CPA6: variants seen among roughly 807,000 people sequenced by gnomAD.
CPA6 encodes the protein carboxypeptidase B.
A neutral mutation model predicts 63.3 loss-of-function variants in CPA6; 58 were observed. The ratio of observed to expected loss-of-function variants is 0.92; its 90% CI spans 0.74 to 1.14. The LOEUF is 1.14. CPA6 is among the 50% of genes most tolerant of loss of function. The probability of loss-of-function intolerance (pLI) is 0.00; values close to 1 mark genes in which losing one functional copy is unlikely to be tolerated. For missense variants in CPA6, 565 were observed against 526.6 expected, an observed-to-expected ratio of 1.07 and a Z score of -0.71; for synonymous variants, 185 against 179.0, an observed-to-expected ratio of 1.03 and a Z score of -0.27.
chr8:67,692,232 T>A (rs1465870432), intron 1 of CPA6, among the ~76,000 whole-genome samples: 3 of 148,284 alleles, frequency 2.0e-5, no homozygotes, highest in South Asian at 2.1e-4. Flanking sequence ...GCTACTCGGG[T>A]GGCTGAGGCA....
At chr8:67,587,976 A>G (rs1156970563) in intron 2 of CPA6, among the ~76,000 whole-genome samples, 1 of 152,178 alleles carries the variant, frequency 6.6e-6, no homozygotes, top group East Asian at 1.9e-4. Context: ...AACAGTTTCA[A>G]TGATCACTAG....
At chr8:67,527,784 A>C (rs1204402449) in intron 2 of CPA6, among the ~76,000 whole-genome samples, 1 of 152,262 alleles carries the variant, frequency 6.6e-6, no homozygotes, top group Non-Finnish European at 1.5e-5. Flanking sequence ...GTGCTGAAAG[A>C]ACTTTTTCAT....
chr8:67,702,237 A>G (rs1464545363), intron 1 of CPA6, among the ~76,000 whole-genome samples: 1 of 152,132 alleles, frequency 6.6e-6, no homozygotes, highest in African/African-American at 2.4e-5. Context: ...ATAATTTCTC[A>G]AGTATTTATT....
chr8:67,716,390 G>A (rs529881841), intron 1 of CPA6, among the ~76,000 whole-genome samples: 2 of 152,146 alleles, frequency 1.3e-5, no homozygotes, highest in African/African-American at 4.8e-5. Context: ...CATTGGTTTG[G>A]TCTGGAAAGG....
rs1811202883 is a variant in CPA6 at position 67,475,873 on chromosome 8, TTCTTTCTC to T, written c.838+7887_838+7894del. Among the ~76,000 whole-genome samples, 5 of 88,614 alleles carry T rather than the reference TTCTTTCTC, an allele frequency of 5.6e-5. 1 individual carries two copies. The highest frequency in any genetic ancestry group is 2.3e-4 in the African/African-American group (5 of 21,652). The allele number at this position is 88,614 out of a possible 152,430, so 58.1% of individuals were successfully genotyped here. A position where few individuals can be genotyped will look rare whatever the true frequency, so the allele number is the denominator to read the frequency against. On this transcript the variant is annotated intron_variant, in intron 8 of 10. Transcript: ENST00000297770. ...TTTCTTTCTTTCTTTCTTTCTTTCT[TTCTTTCTC>T]CTTTCTTTCTTTCTTTCTTTCTTTC...
chr8:67,506,958 GT>G, intron 5 of CPA6, 70 bp from the exon 6 acceptor site: 1 of 1,108,948 alleles, frequency 9.0e-7, no homozygotes, highest in East Asian at 2.4e-5. Context: ...ATTTAATAAG[GT>G]TTCAGCATAA....
chr8:67,468,672 T>A (rs554441209), intron 8 of CPA6, among the ~76,000 whole-genome samples: 1 of 152,024 alleles, frequency 6.6e-6, no homozygotes, highest in East Asian at 1.9e-4. Context: ...AAGTGGGCAA[T>A]AACCTTTTAT....
intron 8 of CPA6, among the ~76,000 whole-genome samples, chr8:67,451,403 T>G (rs1175146705): frequency 2.0e-5 from 3 of 152,220 alleles, no homozygotes; most frequent in African/African-American, 7.2e-5. Context: ...ATCTAATGCC[T>G]GATGATCTGT....
intron 2 of CPA6, among the ~76,000 whole-genome samples, chr8:67,525,199 C>T (rs1812337127): frequency 6.6e-6 from 1 of 152,202 alleles, no homozygotes; most frequent in South Asian, 2.1e-4. Flanking sequence ...CCCATCCTTT[C>T]TTTCCAACCA....
intron 1 of CPA6, among the ~76,000 whole-genome samples, chr8:67,699,711 C>T (rs780870219): frequency 1.3e-5 from 2 of 151,992 alleles, no homozygotes; most frequent in Non-Finnish European, 2.9e-5. Context: ...CCTCAGCCTC[C>T]CGAGTAGCTG....
chr8:67,683,970 A>G (rs988782013), intron 1 of CPA6, among the ~76,000 whole-genome samples: 3 of 146,972 alleles, frequency 2.0e-5, no homozygotes, highest in Non-Finnish European at 4.5e-5. Flanking sequence ...GACTAGAGGC[A>G]CATGCTGTTA....
intron 1 of CPA6, among the ~76,000 whole-genome samples, chr8:67,743,090 T>TTATTGATCCCCTCAC (rs1292799638): frequency 1.3e-5 from 2 of 152,218 alleles, no homozygotes; most frequent in African/African-American, 4.8e-5. Context: ...CTGACGGACA[T>TTATTGATCCCCTCAC]TTATTGATCC....
intron 2 of CPA6, among the ~76,000 whole-genome samples, chr8:67,578,405 A>G (rs769152707): frequency 2.2e-4 from 33 of 152,112 alleles, no homozygotes; most frequent in Non-Finnish European, 3.7e-4. Flanking sequence ...CCAACCCATG[A>G]CTTTTGATTG....
chr8:67,432,728 T>C (rs893805782), intron 9 of CPA6, among the ~76,000 whole-genome samples: 2 of 152,204 alleles, frequency 1.3e-5, no homozygotes, highest in African/African-American at 4.8e-5. Context: ...CCTCCCAAAG[T>C]ACTTGGATTA....
chr8:67,724,916 T>G (rs1429244531), intron 1 of CPA6, among the ~76,000 whole-genome samples: 1 of 152,178 alleles, frequency 6.6e-6, no homozygotes, highest in East Asian at 1.9e-4. Flanking sequence ...CATCCCCCAA[T>G]TTTTGGTTAT....
chr8:67,584,440 CTAGGAGTG>C lies in CPA6; in HGVS notation c.192+39728_192+39735del, dbSNP rs1256944496. On this transcript the variant is annotated intron_variant, in intron 2 of 10. Transcript: ENST00000297770. ...GCTTGGGTGCAGATGTGAAGGAATG[CTAGGAGTG>C]GCTGATTAATGCCTATTGTGACTAT... Among the ~76,000 whole-genome samples the C allele has an allele frequency of 1.1e-3, 167 of 152,166 alleles. 1 individual carries two copies. Among genetic ancestry groups the C allele is most frequent in the African/African-American group, 3.9e-3 (163 of 41,520 alleles).
intron 8 of CPA6, among the ~76,000 whole-genome samples, chr8:67,437,011 T>G (rs1444951070): frequency 6.6e-6 from 1 of 152,192 alleles, no homozygotes; most frequent in African/African-American, 2.4e-5. Context: ...GTGGGGAACT[T>G]ACAGCAATTG....
rs1176015389 is a variant in CPA6, at chr8:67,646,773, G to T, written c.117-22522C>A. The stretch of plus-strand genomic sequence containing the variant: ...TGCAGGGGAAGATTTGAGGGAAGAG[G>T]GCTCCAGGCAAAGGAAACACAAGCG... On this transcript the variant is annotated intron_variant, in intron 1 of 10. Transcript: ENST00000297770. 3.9e-5 allele frequency among the ~76,000 whole-genome samples: 6 copies of T among 152,178 alleles called. No homozygotes were observed. The East Asian group carries it at 1.2e-3, about 29-fold the overall frequency.
chr8:67,440,094 T>C (rs1810256629), intron 8 of CPA6, among the ~76,000 whole-genome samples: 1 of 152,088 alleles, frequency 6.6e-6, no homozygotes, highest in Non-Finnish European at 1.5e-5. Flanking sequence ...TAACAGAAAT[T>C]TATTCTCGTA....
Sources: allele counts gnomAD v4.1 joint callset (sites outside exome capture counted in the v4.1 genomes callset), GRCh38; gene constraint gnomAD v4.1.1; transcripts MANE v1.5; gene names NCBI Gene and HGNC (gene_info 2026-07-23, HGNC 2026-07-21).